The following RNF169 variants were observed in gnomAD, a reference collection of about 807,000 sequenced individuals.
The protein encoded by RNF169 is ring finger protein 169.
In RNF169, 24 loss-of-function variants were observed where a neutral mutation model predicts 53.9. The ratio of observed to expected loss-of-function variants is 0.45; its 90% CI spans 0.32 to 0.63. The LOEUF (loss-of-function observed/expected upper bound fraction) is 0.63, where lower values mean the gene tolerates loss of function less well. Ranked by LOEUF, RNF169 falls within the 20% of genes least tolerant of loss-of-function variation. The pLI, the probability that RNF169 is intolerant of heterozygous loss-of-function variation, is 0.04. For missense variants in RNF169, 883 were observed against 906.2 expected (o/e 0.97, Z 0.33); for synonymous variants, 396 against 363.5 (o/e 1.09, Z -1.02).
intron 2 of RNF169, among the ~76,000 whole-genome samples, chr11:74,805,296 C>T (rs1469425766): frequency 6.6e-6 from 1 of 152,142 alleles, no homozygotes. Flanking sequence ...AGAAATACAT[C>T]CTGTATATTT....
At chr11:74,782,623 C>G (rs2035432144) in intron 1 of RNF169, among the ~76,000 whole-genome samples, 1 of 152,054 alleles carries the variant, frequency 6.6e-6, no homozygotes, top group African/African-American at 2.4e-5. Flanking sequence ...TATGGATGGC[C>G]CCTTATGGCA....
At position 74,810,304 on chromosome 11, in the gene RNF169, T is replaced by C; in HGVS notation, c.697T>C (p.Leu233=). Residue 233 remains leucine (L), a synonymous_variant, in exon 3 of 6, where the codon TTA becomes CTA. Transcript: ENST00000299563. ...TGAACAGAAAAAAAGAGATGAACCA[T>C]TAGTACTGAAAACAAATCTGGAACG... ...MDEQKKRDEP[L]VLKTNLERCP... 1 of 1,613,542 alleles carries C rather than the reference T, an allele frequency of 6.2e-7. No individual in the cohort carries two copies. The highest frequency in any genetic ancestry group is 8.5e-7 in the Non-Finnish European group (1 of 1,179,802).
At chr11:74,783,609 A>T (rs181797489) in intron 1 of RNF169, among the ~76,000 whole-genome samples, 20 of 152,284 alleles carry the variant, frequency 1.3e-4, no homozygotes, top group African/African-American at 4.8e-4. Flanking sequence ...TCCCTGTAAA[A>T]GCTGGTAGAA....
chr11:74,793,058 G>A (rs2035601725), intron 2 of RNF169, among the ~76,000 whole-genome samples: 2 of 152,146 alleles, frequency 1.3e-5, no homozygotes, highest in Non-Finnish European at 2.9e-5. Context: ...ATAAAAAGGA[G>A]TGAACCACTG....
intron 1 of RNF169, among the ~76,000 whole-genome samples, chr11:74,751,459 G>A (rs534390684): frequency 1.3e-5 from 2 of 152,280 alleles, no homozygotes; most frequent in Admixed American, 6.5e-5. Context: ...TGGCCACATA[G>A]GATAGAAATT....
chr11:74,751,496 CTG>C (rs534010018), intron 1 of RNF169, among the ~76,000 whole-genome samples: 9 of 152,162 alleles, frequency 5.9e-5, no homozygotes, highest in African/African-American at 2.2e-4. Context: ...AGCTTGGAGA[CTG>C]TTGTGAAATA....
In RNF169 at chr11:74,838,038, A is replaced by G. The variant is rs1591437825; in HGVS notation, c.*1308A>G. 1 of 152,314 alleles carries G rather than the reference A, an allele frequency of 6.6e-6. No individual in the cohort carries two copies. Among genetic ancestry groups the G allele is most frequent in the East Asian group, 1.9e-4 (1 of 5,176 alleles). The allele number at this position is 152,314 out of a possible 1,614,324, so 9.4% of individuals were successfully genotyped here. ...CCTTCCAGAGCTTATATATCCCAATATATGTTGTTTCCTTTGAGTAGCCCC... is the reference window on the plus strand; with the variant it reads ...CCTTCCAGAGCTTATATATCCCAATGTATGTTGTTTCCTTTGAGTAGCCCC... On this transcript the variant is annotated 3_prime_UTR_variant, in exon 6 of 6. Coordinates refer to ENST00000299563, the MANE Select transcript of RNF169 (RefSeq NM_001098638.2).
At chr11:74,765,277 A>C (rs2035155058) in intron 1 of RNF169, among the ~76,000 whole-genome samples, 1 of 152,244 alleles carries the variant, frequency 6.6e-6, no homozygotes, top group Non-Finnish European at 1.5e-5. Context: ...GTAGAACCAT[A>C]CACTTAAATT....
At chr11:74,816,419 C>T (rs1382295173) in intron 3 of RNF169, among the ~76,000 whole-genome samples, 3 of 152,162 alleles carry the variant, frequency 2.0e-5, no homozygotes, top group Non-Finnish European at 4.4e-5. Context: ...AAGAAAAAGA[C>T]TCTCATGTTT....
chr11:74,750,888 T>TTG (rs1180491242), intron 1 of RNF169, among the ~76,000 whole-genome samples: 4 of 137,490 alleles, frequency 2.9e-5, no homozygotes, highest in African/African-American at 1.1e-4. Flanking sequence ...TTTTTTTTTT[T>TTG]TTTGAGACTG....
In RNF169 at chr11:74,840,046, T is replaced by A. The variant is rs1276740773; in HGVS notation, c.*3316T>A. ...TAAAGGAAAAATGTCCTTAAGAGAT[T>A]AAAGCTCTTAATTGATTACTGTCTG... is the stretch of plus-strand genomic sequence containing the variant. On this transcript the variant is annotated 3_prime_UTR_variant, in exon 6 of 6. Transcript: ENST00000299563. 6.6e-6 allele frequency: 1 copy of A among 152,220 alleles called. No homozygotes were observed. Among genetic ancestry groups the A allele is most frequent in the Non-Finnish European group, 1.5e-5 (1 of 68,034 alleles). 9.4% of individuals were successfully genotyped at this position (152,220 alleles called of 1,614,324 possible). A position where few individuals can be genotyped will look rare whatever the true frequency, so the allele number is the denominator to read the frequency against.
At chr11:74,818,450 T>C (rs2035967685) in intron 4 of RNF169, among the ~76,000 whole-genome samples, 1 of 152,094 alleles carries the variant, frequency 6.6e-6, no homozygotes, top group Non-Finnish European at 1.5e-5. Flanking sequence ...TGGAGTATAA[T>C]TGGGCAATCA....
intron 1 of RNF169, among the ~76,000 whole-genome samples, chr11:74,778,629 C>T (rs989265935): frequency 9.2e-5 from 14 of 152,100 alleles, no homozygotes; most frequent in African/African-American, 2.2e-4. Flanking sequence ...GCGGGCTGGG[C>T]GGGAGAACTG....
chr11:74,753,303 A>G (rs1231372611), intron 1 of RNF169, among the ~76,000 whole-genome samples: 3 of 152,160 alleles, frequency 2.0e-5, no homozygotes, highest in Non-Finnish European at 4.4e-5. Context: ...CTCTCATTCT[A>G]CAGAAGAGAA....
intron 1 of RNF169, among the ~76,000 whole-genome samples, chr11:74,787,383 A>G (rs139969258): frequency 4.6e-5 from 7 of 152,342 alleles, no homozygotes; most frequent in Non-Finnish European, 8.8e-5. Flanking sequence ...AGGAAATGCA[A>G]ATTACTCTTA....
chr11:74,790,899 T>G (rs1418888859), intron 2 of RNF169, among the ~76,000 whole-genome samples: 1 of 152,232 alleles, frequency 6.6e-6, no homozygotes, highest in East Asian at 1.9e-4. Context: ...GGGCTGCAGC[T>G]CTTCTCTCTT....
At chr11:74,779,323 A>G (rs1188847636) in intron 1 of RNF169, among the ~76,000 whole-genome samples, 1 of 152,116 alleles carries the variant, frequency 6.6e-6, no homozygotes, top group Non-Finnish European at 1.5e-5. Context: ...TACTACTACC[A>G]TAGTAGTAAT....
At chr11:74,825,166 G>A (rs77634402) in intron 4 of RNF169, among the ~76,000 whole-genome samples, 3,223 of 152,164 alleles carry the variant, frequency 0.021, 110 homozygotes, top group African/African-American at 0.074. Context: ...TTCTTCTCAA[G>A]TGCACATGGA....
intron 2 of RNF169, among the ~76,000 whole-genome samples, chr11:74,792,097 G>A (rs2035587833): frequency 6.6e-6 from 1 of 152,226 alleles, no homozygotes; most frequent in South Asian, 2.1e-4. Context: ...TTGTAAATGA[G>A]GGTGTCAGAT....
Sources: allele counts gnomAD v4.1 joint callset (sites outside exome capture counted in the v4.1 genomes callset), GRCh38; gene constraint gnomAD v4.1.1; transcripts MANE v1.5; gene names NCBI Gene and HGNC (gene_info 2026-07-23, HGNC 2026-07-21).